Variants in BPIFB4 observed in about 807,000 individuals in gnomAD.
BPIFB4 encodes BPI fold containing family B member 4.
In BPIFB4, 62 loss-of-function variants were observed where a neutral mutation model predicts 69.2. That is an observed-to-expected ratio of 0.90 (90% CI 0.73 to 1.11). The LOEUF (loss-of-function observed/expected upper bound fraction) is 1.11, where lower values mean the gene tolerates loss of function less well. Among genes scored for constraint, BPIFB4 ranks in the 50% least tolerant of loss-of-function variants. The pLI is 0.00. For synonymous variants in BPIFB4, 330 were observed against 332.7 expected (o/e 0.99, Z 0.09); for missense variants, 789 against 792.0 (o/e 1.00, Z 0.04).
At chr20:33,105,425 G>A (rs1371370594) in intron 16 of BPIFB4, among the ~76,000 whole-genome samples, 1 of 152,118 alleles carries the variant, frequency 6.6e-6, no homozygotes, top group Non-Finnish European at 1.5e-5. Flanking sequence ...CCCCCCTAGG[G>A]AACCACATCA....
intron 17 of BPIFB4, among the ~76,000 whole-genome samples, chr20:33,108,086 C>T (rs1457241683): frequency 6.6e-6 from 1 of 152,162 alleles, no homozygotes; most frequent in Non-Finnish European, 1.5e-5. Context: ...AACTGAGGCT[C>T]ACAGCAGTAA....
chr20:33,104,970 C>T, intron 16 of BPIFB4, 97 bp downstream of exon 16: 1 of 1,240,366 alleles, frequency 8.1e-7, no homozygotes, highest in Non-Finnish European at 1.1e-6. Flanking sequence ...TATCCTACCT[C>T]AATAGTATTT....
chr20:33,092,705 T>C (rs1300737038), intron 11 of BPIFB4, 47 bp downstream of exon 11: 1 of 1,527,440 alleles, frequency 6.5e-7, no homozygotes, highest in South Asian at 1.1e-5. Context: ...AGCAGACAGC[T>C]GCCAGTGACC....
intron 17 of BPIFB4, 72 bp downstream of exon 17, chr20:33,107,892 AG>A: frequency 1.5e-6 from 2 of 1,344,700 alleles, no homozygotes; most frequent in Non-Finnish European, 2.1e-6. Flanking sequence ...CACTGCATTC[AG>A]GCCAGGAACT....
intron 13 of BPIFB4, among the ~76,000 whole-genome samples, chr20:33,098,178 C>T (rs1234148194): frequency 6.6e-6 from 1 of 152,154 alleles, no homozygotes; most frequent in African/African-American, 2.4e-5. Context: ...GTAAGATGCT[C>T]AGAGCAGTGC....
In BPIFB4 at chr20:33,083,678, G is replaced by A. The variant is rs1466584134; in HGVS notation, c.481G>A (p.Val161Ile). ...ELQPGEIPPG[V>I]ATGAVGPGGL... ...GCAGCCTGGAGAAATCCCACCTGGA[G>A]TTGCCACTGGGGCGGTGGGCCCAGG... The change falls in exon 5 of 18, where the codon GTT becomes ATT. Residue 161 changes from valine (V) to isoleucine (I), a missense_variant. Transcript: ENST00000375483. 6 of 1,613,982 alleles carry A rather than the reference G, an allele frequency of 3.7e-6. No individual in the cohort carries two copies. Among genetic ancestry groups the A allele is most frequent in the Non-Finnish European group, 5.1e-6 (6 of 1,180,012 alleles).
At position 33,086,093 on chromosome 20, in the gene BPIFB4, G is replaced by A. The variant is rs372363944; in HGVS notation, c.855G>A (p.Thr285=). The A allele has an allele frequency of 8.2e-5, 132 of 1,613,446 alleles. No individual in the cohort carries two copies. The highest frequency in any genetic ancestry group is 4.9e-4 in the Middle Eastern group (3 of 6,078). The stretch of plus-strand genomic sequence containing the variant: ...AGGTCCGGCTGACCATGGACCGCAC[G>A]GGTTATCCTCGGCTGGTCATTGAGC... ...TAKVRLTMDR[T]GYPRLVIERC... The change falls in exon 7 of 18, where the codon ACG becomes ACA. Residue 285 remains threonine (T), a synonymous_variant. Coordinates refer to ENST00000375483, the MANE Select transcript of BPIFB4 (RefSeq NM_182519.3).
rs371089671 is a variant in BPIFB4, at chr20:33,085,105, A to T, written c.782+109A>T. 9.7e-5 allele frequency: 145 copies of T among 1,489,326 alleles called. No homozygotes were observed. In the African/African-American group the frequency reaches 1.8e-3, roughly 18 times the overall value. The allele number at this position is 1,489,326 out of a possible 1,614,324, so 92.3% of individuals were successfully genotyped here. ...AACTTCTGCCAGTGCATGCCCACAG[A>T]CTTGCACCAGAGGCCATCTGTCAGC... On this transcript the variant is annotated intron_variant, in intron 6 of 17. Transcript: ENST00000375483.
intron 14 of BPIFB4, among the ~76,000 whole-genome samples, chr20:33,101,900 T>C (rs992256594): frequency 9.2e-5 from 14 of 152,218 alleles, no homozygotes; most frequent in Admixed American, 9.2e-4. Context: ...TTATTTCCAT[T>C]TCAAGATTAA....
At chr20:33,107,654 T>G in intron 16 of BPIFB4, 90 bp from the exon 17 acceptor site, 1 of 982,140 alleles carries the variant, frequency 1.0e-6, no homozygotes, top group Non-Finnish European at 1.6e-6. Context: ...AAAAAAGAAA[T>G]TGCCAATCTT....
chr20:33,088,950 G>A lies in BPIFB4; in HGVS notation c.927-16G>A. The A allele has an allele frequency of 6.2e-7, 1 of 1,613,472 alleles. No individual in the cohort carries two copies. Among genetic ancestry groups the A allele is most frequent in the Non-Finnish European group, 8.5e-7 (1 of 1,179,548 alleles). The stretch of plus-strand genomic sequence containing the variant: ...TGGCTGCGAGCCTTGACCTCATCCT[G>A]CTCCTGTCTCCTTAGGCTTCTCCCC... On this transcript the variant is annotated splice_polypyrimidine_tract_variant and intron_variant, in intron 7 of 17. Transcript: ENST00000375483.
intron 4 of BPIFB4, 59 bp from the exon 5 acceptor site, chr20:33,083,308 T>A: frequency 6.5e-7 from 1 of 1,541,228 alleles, no homozygotes; most frequent in Admixed American, 1.7e-5. Flanking sequence ...GTGGTGGTGG[T>A]CTTTTGGGTG....
intron 2 of BPIFB4, 52 bp from the exon 3 acceptor site, chr20:33,081,460 G>A (rs1981225602): frequency 1.9e-5 from 30 of 1,540,184 alleles, no homozygotes; most frequent in Non-Finnish European, 2.5e-5. Flanking sequence ...CTACCTGCTG[G>A]CCAGGGTGGT....
chr20:33,087,270 C>G (rs1011202764), intron 7 of BPIFB4, among the ~76,000 whole-genome samples: 12 of 152,184 alleles, frequency 7.9e-5, no homozygotes, highest in African/African-American at 2.9e-4. Context: ...CCCTCTGCCT[C>G]CCTCCCACCA....
At chr20:33,093,308 C>T (rs550586462) in intron 11 of BPIFB4, among the ~76,000 whole-genome samples, 117 of 151,302 alleles carry the variant, frequency 7.7e-4, no homozygotes, top group African/African-American at 2.6e-3. Context: ...TCCACCCATC[C>T]ACCCACCCTC....
chr20:33,091,559 C>T (rs1327841300), intron 10 of BPIFB4, among the ~76,000 whole-genome samples: 1 of 152,252 alleles, frequency 6.6e-6, no homozygotes, highest in Admixed American at 6.5e-5. Context: ...ATCCGTGCTC[C>T]CGTGTATACA....
chr20:33,094,506 CTTTCT>C (rs1236497251), intron 11 of BPIFB4, among the ~76,000 whole-genome samples: 9 of 123,138 alleles, frequency 7.3e-5, no homozygotes, highest in East Asian at 6.0e-4. Context: ...CTTTTTCTTT[CTTTCT>C]TTTTTTTTTT....
chr20:33,083,857 T>C lies in BPIFB4; in HGVS notation c.660T>C (p.Thr220=), dbSNP rs2424945. ...GVLGEGGILS[T]VQGITGLRIV... is the part of the protein sequence containing the mutation. ...TCGGCGAGGGTGGCATCCTCAGCAC[T>C]GTGCAAGGCATCACGGGGTAAGGAG... is the stretch of plus-strand genomic sequence containing the variant. Residue 220 remains threonine, a synonymous_variant, in exon 5 of 18, where the codon ACT becomes ACC. Transcript: ENST00000375483. 553,999 of 1,609,536 alleles carry C rather than the reference T, an allele frequency of 0.34. 99,234 individuals carry two copies. The highest frequency in any genetic ancestry group is 0.59 in the African/African-American group (44,119 of 74,648).
chr20:33,108,565 AGGGCTT>A (rs1298858543), intron 17 of BPIFB4, among the ~76,000 whole-genome samples: 1 of 152,082 alleles, frequency 6.6e-6, no homozygotes, highest in Admixed American at 6.6e-5. Context: ...TTAAAGAACG[AGGGCTT>A]GGAGCCCAGT....
Sources: allele counts gnomAD v4.1 joint callset (sites outside exome capture counted in the v4.1 genomes callset), GRCh38; gene constraint gnomAD v4.1.1; transcripts MANE v1.5; gene names NCBI Gene and HGNC (gene_info 2026-07-23, HGNC 2026-07-21).